Variants in ADGRV1 observed in about 807,000 individuals in gnomAD.
ADGRV1 encodes adhesion G protein-coupled receptor V1, also known as G-protein coupled receptor 98.
A neutral mutation model predicts 596.2 loss-of-function variants in ADGRV1; 359 were observed. The observed-to-expected ratio is 0.60, with a 90% CI of 0.55 to 0.66. ADGRV1 has a LOEUF of 0.66. ADGRV1 is among the 30% of genes least tolerant of loss of function. The pLI, the probability that ADGRV1 is intolerant of heterozygous loss-of-function variation, is 0.00. For synonymous variants in ADGRV1, 2,681 were observed against 2,679.2 expected (o/e 1.00, Z -0.02); for missense variants, 7,274 against 7,575.6 (o/e 0.96, Z 1.48).
chr5:90,708,732 T>C (rs925908988), intron 38 of ADGRV1, 84 bp from the exon 39 acceptor site: 6 of 837,448 alleles, frequency 7.2e-6, no homozygotes, highest in African/African-American at 3.4e-5. Context: ...ATACTAATTA[T>C]ACAGTTTAAT....
chr5:90,607,573 C>G (rs968170218), intron 1 of ADGRV1, among the ~76,000 whole-genome samples: 1 of 152,078 alleles, frequency 6.6e-6, no homozygotes, highest in African/African-American at 2.4e-5. Flanking sequence ...TCCCAGATGT[C>G]CTGGTAATTA....
intron 50 of ADGRV1, among the ~76,000 whole-genome samples, chr5:90,732,177 A>T (rs1752638280): frequency 6.6e-6 from 1 of 152,054 alleles, no homozygotes; most frequent in South Asian, 2.1e-4. Context: ...ATTAAAAAAA[A>T]GTTTTTTTTA....
rs10074104 is a variant in ADGRV1, at chr5:90,728,460, T to C, written c.10162-209T>C. On this transcript the variant is annotated intron_variant, in intron 48 of 89. Transcript: ENST00000405460. ...CTCTGTGTGTGTGTATGTGTACTTA[T>C]GTGCATAGACATATATGTGCACACT... 0.6 allele frequency among the ~76,000 whole-genome samples: 90,791 copies of C among 152,084 alleles called. 28,141 individuals are homozygous for C. The highest frequency in any genetic ancestry group is 0.8 in the East Asian group (4,116 of 5,174).
intron 4 of ADGRV1, 42 bp from the exon 5 acceptor site, chr5:90,622,555 A>G: frequency 2.1e-6 from 2 of 931,570 alleles, no homozygotes; most frequent in Non-Finnish European, 3.0e-6. Context: ...CATACCTCTG[A>G]TTGCTCAGCT....
intron 85 of ADGRV1, among the ~76,000 whole-genome samples, chr5:91,060,147 C>T (rs1315314338): frequency 6.6e-6 from 1 of 152,094 alleles, no homozygotes; most frequent in East Asian, 1.9e-4. Context: ...ATAACCTCAT[C>T]TACTCACACT....
intron 84 of ADGRV1, among the ~76,000 whole-genome samples, chr5:90,966,530 CAA>C (rs67304974): frequency 0.012 from 1,171 of 100,702 alleles, 14 homozygotes; most frequent in African/African-American, 0.039. Context: ...GAAACTCTGC[CAA>C]AAAAAAAAAA....
At position 90,675,365 on chromosome 5, in the gene ADGRV1, C is replaced by T. The variant is rs1773077338; in HGVS notation, c.5233C>T (p.Arg1745Cys). 2.5e-6 allele frequency: 4 copies of T among 1,613,788 alleles called. No homozygotes were observed. The highest frequency in any genetic ancestry group is 1.3e-5 in the African/African-American group (1 of 75,016). ...EDGEIRLLVI[R>C]AQGLLGRVTA... ...TGGAGAAATCAGGTTATTGGTCATCCGTGCACAGGGACTTCTGGGAAGGGT... is the reference window on the plus strand; with the variant it reads ...TGGAGAAATCAGGTTATTGGTCATCTGTGCACAGGGACTTCTGGGAAGGGT... Residue 1745 changes from arginine (R) to cysteine (C), a missense_variant, in exon 24 of 90, where the codon CGT (arginine) becomes TGT (cysteine). By Grantham distance (180) the Arg-to-Cys change is radical. Coordinates refer to ENST00000405460, the MANE Select transcript of ADGRV1 (RefSeq NM_032119.4).
At chr5:91,046,812 A>G (rs1198825320) in intron 85 of ADGRV1, among the ~76,000 whole-genome samples, 1 of 152,206 alleles carries the variant, frequency 6.6e-6, no homozygotes, top group African/African-American at 2.4e-5. Context: ...ACTCAAACAA[A>G]TTAGCAAGAA....
At chr5:90,748,151 T>G (rs551787256) in intron 52 of ADGRV1, among the ~76,000 whole-genome samples, 1 of 152,268 alleles carries the variant, frequency 6.6e-6, no homozygotes, top group South Asian at 2.1e-4. Context: ...GGGGATAAGA[T>G]GAGGAGTTTT....
At chr5:91,030,524 T>A (rs1314155296) in intron 85 of ADGRV1, among the ~76,000 whole-genome samples, 1 of 152,020 alleles carries the variant, frequency 6.6e-6, no homozygotes, top group Non-Finnish European at 1.5e-5. Context: ...TAATTTTTGG[T>A]CTAGCCATGT....
At chr5:91,133,161 T>C (rs1308120336) in intron 87 of ADGRV1, among the ~76,000 whole-genome samples, 2 of 152,322 alleles carry the variant, frequency 1.3e-5, no homozygotes, top group East Asian at 1.9e-4. Context: ...AGGTTTGTTA[T>C]ATAGGTAGCA....
intron 84 of ADGRV1, among the ~76,000 whole-genome samples, chr5:90,972,555 A>C (rs1184188642): frequency 6.6e-6 from 1 of 152,210 alleles, no homozygotes; most frequent in Non-Finnish European, 1.5e-5. Context: ...AACTCACTCA[A>C]AAGCGCTCAA....
At chr5:90,746,490 A>G (rs1028786915) in intron 52 of ADGRV1, among the ~76,000 whole-genome samples, 1 of 152,194 alleles carries the variant, frequency 6.6e-6, no homozygotes, top group African/African-American at 2.4e-5. Context: ...TATTTTTCAT[A>G]TGAGGAAAAC....
In ADGRV1 at chr5:90,629,334, G is replaced by T; in HGVS notation, c.1634G>T (p.Gly545Val). 2 of 1,613,642 alleles carry T rather than the reference G, an allele frequency of 1.2e-6. No homozygotes were observed. The highest frequency in any genetic ancestry group is 1.7e-6 in the Non-Finnish European group (2 of 1,179,804). Residue 545 changes from glycine (G) to valine (V), a missense_variant, in exon 9 of 90, where the codon GGA becomes GTA. By Grantham distance (109) the Gly-to-Val change is moderately radical (BLOSUM62 -3). Transcript: ENST00000405460. The stretch of plus-strand genomic sequence containing the variant: ...TTATCCTTGAGTTTTACAAGACTAG[G>T]AGGGACTAAAGGAGATGTGAGGTTG... ...RYLSLSFTRL[G>V]GTKGDVRLLY...
chr5:90,687,519 A>G (rs1745841100), intron 29 of ADGRV1, among the ~76,000 whole-genome samples: 1 of 152,148 alleles, frequency 6.6e-6, no homozygotes, highest in Admixed American at 6.5e-5. Context: ...CACCACTCGT[A>G]TTCAACATAG....
In ADGRV1 at chr5:90,675,405, G is replaced by T. The variant is rs1002160178; in HGVS notation, c.5273G>T (p.Arg1758Ile). Reference protein sequence around the residue: ...GLLGRVTAEFRTVSLTAFSPE... With the variant: ...GLLGRVTAEFITVSLTAFSPE... Reference sequence around the variant, plus strand: ...CTGGGAAGGGTGACTGCGGAATTTAGAACAGTGTCCTTGACAGCATTCAGT... The same window carrying T: ...CTGGGAAGGGTGACTGCGGAATTTATAACAGTGTCCTTGACAGCATTCAGT... Residue 1758 changes from arginine (R) to isoleucine (I), a missense_variant, in exon 24 of 90, where the codon AGA becomes ATA. Physicochemically the swap from Arg to Ile is moderately conservative, Grantham distance 97. Around this residue, in one of 5 missense-constraint regions of ADGRV1, gnomAD observed 3,643 missense variants for 3,809.2 expected, o/e 0.96. Coordinates refer to ENST00000405460, the MANE Select transcript of ADGRV1 (RefSeq NM_032119.4). 6.2e-7 allele frequency: 1 copy of T among 1,613,666 alleles called. No homozygotes were observed. Among genetic ancestry groups the T allele is most frequent in the Non-Finnish European group, 8.5e-7 (1 of 1,179,832 alleles).
At chr5:90,759,161 A>G (rs1307587545) in intron 57 of ADGRV1, among the ~76,000 whole-genome samples, 1 of 152,216 alleles carries the variant, frequency 6.6e-6, no homozygotes, top group Non-Finnish European at 1.5e-5. Context: ...TTGAAATACC[A>G]TAAATATACA....
At chr5:90,595,003 A>G (rs1167584725) in intron 1 of ADGRV1, among the ~76,000 whole-genome samples, 1 of 143,480 alleles carries the variant, frequency 7.0e-6, no homozygotes, top group Non-Finnish European at 1.5e-5. Context: ...TGTTGGGCAC[A>G]CCTCCCAGAC....
chr5:90,768,925 G>A (rs576685748), intron 59 of ADGRV1, among the ~76,000 whole-genome samples: 31 of 152,298 alleles, frequency 2.0e-4, no homozygotes, highest in African/African-American at 7.0e-4. Context: ...GCATGAGGCA[G>A]TTGAAACTGA....
Sources: gnomAD v4.1 joint callset for allele counts (sites outside exome capture counted in the v4.1 genomes callset) on GRCh38, gnomAD v4.1.1 for gene constraint, gnomAD v4.1.1 regional missense constraint, MANE v1.5 for transcripts, NCBI Gene and HGNC (gene_info 2026-07-23, HGNC 2026-07-21) for gene names.